Variants in POLR1D observed in about 807,000 individuals in gnomAD.
The protein encoded by POLR1D is RNA polymerase I and III subunit D, also known as DNA-directed RNA polymerases I and III subunit RPAC2.
POLR1D carries 8 observed loss-of-function variants against 10.8 expected under a neutral mutation model. The observed-to-expected ratio is 0.74, with a 90% CI of 0.43 to 1.33. The LOEUF (loss-of-function observed/expected upper bound fraction) is 1.33. POLR1D is among the 40% of genes most tolerant of loss of function. The pLI is 0.01. For synonymous variants in POLR1D, 54 were observed against 57.2 expected (o/e 0.94, Z 0.25); for missense variants, 152 against 161.7 (o/e 0.94, Z 0.32).
Position 27,663,031 on chromosome 13 carries a change from A to G in POLR1D, c.102-2655A>G, listed in dbSNP as rs953998189. Among the ~76,000 whole-genome samples, 2 of 152,260 alleles carry G rather than the reference A, an allele frequency of 1.3e-5. No individual in the cohort carries two copies. The highest frequency in any genetic ancestry group is 4.8e-5 in the African/African-American group (2 of 41,472). ...AATGAAACAACCAACTGTGAGATTC[A>G]GCAAAATTAATTTCTACCTTAAAGG... On this transcript the variant is annotated intron_variant, in intron 2 of 2. Transcript: ENST00000399697. The surrounding 1 kb of genome is among the most constrained non-coding windows in gnomAD (Gnocchi z 4.1).
Position 27,644,762 on chromosome 13 carries a change from T to C in POLR1D, c.27-3617T>C, listed in dbSNP as rs544626245. 8.0e-4 allele frequency among the ~76,000 whole-genome samples: 120 copies of C among 149,854 alleles called. No individual in the cohort carries two copies. In the South Asian group the frequency reaches 0.014, roughly 17 times the overall value. On this transcript the variant is annotated intron_variant, in intron 1 of 2. Coordinates refer to the POLR1D transcript ENST00000399697. Reference sequence around the variant, plus strand: ...AAGTTCTGTATATACTTAGTTCTTATATATTCTCCTATTTGCTTTTCCTGT... The same window carrying C: ...AAGTTCTGTATATACTTAGTTCTTACATATTCTCCTATTTGCTTTTCCTGT...
chr13:27,664,117 C>T (rs1049747855), intron 2 of POLR1D, among the ~76,000 whole-genome samples: 1 of 152,202 alleles, frequency 6.6e-6, no homozygotes, highest in African/African-American at 2.4e-5. Context: ...CTGTCAGACC[C>T]TGCAGGAGAA....
intron 2 of POLR1D, among the ~76,000 whole-genome samples, chr13:27,652,981 CCTCTGCCTCCCTGGTGCAAGCAATT>C (rs921468909): frequency 6.9e-5 from 9 of 130,294 alleles, no homozygotes; most frequent in African/African-American, 2.8e-4. Context: ...CTCACTGCAA[CCTCTGCCTCCCTGGTGCAAGCAATT>C]CTCTGCCTCA....
downstream of POLR1D, among the ~76,000 whole-genome samples, chr13:27,624,939 A>G (rs1388926450): frequency 1.3e-5 from 2 of 152,176 alleles, no homozygotes. Flanking sequence ...CAGCAAATGT[A>G]GGGTCAAGAT....
At chr13:27,662,841 T>C (rs1465969774) in intron 2 of POLR1D, among the ~76,000 whole-genome samples, 1 of 152,162 alleles carries the variant, frequency 6.6e-6, no homozygotes, top group Non-Finnish European at 1.5e-5. Flanking sequence ...ATGTTCTAAT[T>C]CATTTGATCT....
intron 1 of POLR1D, among the ~76,000 whole-genome samples, chr13:27,639,548 T>C (rs1956156778): frequency 6.6e-6 from 1 of 152,228 alleles, no homozygotes; most frequent in Non-Finnish European, 1.5e-5. Flanking sequence ...AAACAATCAC[T>C]GTATTTTCTG....
chr13:27,634,744 T>G (rs557171672), intron 1 of POLR1D, among the ~76,000 whole-genome samples: 4 of 151,486 alleles, frequency 2.6e-5, no homozygotes, highest in Non-Finnish European at 5.9e-5. Flanking sequence ...GGGGTGATCT[T>G]GACTCACTGC....
At chr13:27,624,217 A>C (rs920734321), downstream of POLR1D, among the ~76,000 whole-genome samples, 2 of 152,074 alleles carry the variant, frequency 1.3e-5, no homozygotes, top group African/African-American at 4.8e-5. Flanking sequence ...TAGTTTGGGT[A>C]CTTCTTTGTG....
At chr13:27,653,261 C>T (rs1956282434) in intron 2 of POLR1D, among the ~76,000 whole-genome samples, 1 of 152,088 alleles carries the variant, frequency 6.6e-6, no homozygotes, top group Admixed American at 6.5e-5. Flanking sequence ...CTACATCTAG[C>T]TGCAAGGACA....
intron 2 of POLR1D, among the ~76,000 whole-genome samples, chr13:27,657,269 C>G (rs1956316866): frequency 6.6e-6 from 1 of 152,164 alleles, no homozygotes; most frequent in South Asian, 2.1e-4. Context: ...GTGGCTCACA[C>G]CAGTAATCCT....
chr13:27,639,063 A>G (rs1321024158), intron 1 of POLR1D, among the ~76,000 whole-genome samples: 2 of 151,702 alleles, frequency 1.3e-5, no homozygotes, highest in African/African-American at 4.8e-5. Flanking sequence ...CATTTTTCCT[A>G]TCCTTTACTA....
intron 2 of POLR1D, among the ~76,000 whole-genome samples, chr13:27,660,005 G>T (rs1312663473): frequency 1.3e-5 from 2 of 151,532 alleles, no homozygotes; most frequent in African/African-American, 2.4e-5. Flanking sequence ...GTACAATGTT[G>T]GAGACAGTCA....
chr13:27,648,920 G>C (rs375393574), intron 2 of POLR1D, among the ~76,000 whole-genome samples: 2 of 152,266 alleles, frequency 1.3e-5, no homozygotes, highest in East Asian at 3.9e-4. Flanking sequence ...ACAAAATAGA[G>C]CTTGTTAAAA....
intron 2 of POLR1D, among the ~76,000 whole-genome samples, chr13:27,659,048 G>C (rs1447131568): frequency 1.3e-5 from 2 of 152,092 alleles, no homozygotes. Flanking sequence ...ATGCTTTTCT[G>C]TTTGGATTGA....
intron 1 of POLR1D, among the ~76,000 whole-genome samples, chr13:27,632,752 C>T (rs1375243499): frequency 1.3e-5 from 2 of 151,166 alleles, no homozygotes; most frequent in Non-Finnish European, 2.9e-5. Context: ...TTGCCTTTCC[C>T]TCTACCCCTC....
intron 1 of POLR1D, among the ~76,000 whole-genome samples, chr13:27,640,850 C>T (rs1322591674): frequency 6.6e-6 from 1 of 152,068 alleles, no homozygotes; most frequent in Non-Finnish European, 1.5e-5. Context: ...TATAAAATGG[C>T]ATAGTATTTG....
At chr13:27,625,983 A>G (rs1354268431), downstream of POLR1D, among the ~76,000 whole-genome samples, 1 of 152,222 alleles carries the variant, frequency 6.6e-6, no homozygotes, top group Non-Finnish European at 1.5e-5. Context: ...ACATGAAGAC[A>G]TTGGAAGAGG....
chr13:27,625,659 T>TAAA, downstream of POLR1D, among the ~76,000 whole-genome samples: 1 of 142,058 alleles, frequency 7.0e-6, no homozygotes, highest in South Asian at 2.2e-4. Context: ...ATAAATTGAT[T>TAAA]AAAAAAAAAA....
chr13:27,636,971 A>C (rs948433325), intron 1 of POLR1D, among the ~76,000 whole-genome samples: 1 of 152,204 alleles, frequency 6.6e-6, no homozygotes. Context: ...TATTTTTTAA[A>C]ACAATGCATA....
Sources: gnomAD v4.1 joint callset for allele counts (sites outside exome capture counted in the v4.1 genomes callset) on GRCh38, gnomAD v4.1.1 for gene constraint, Gnocchi (gnomAD v3.1) non-coding constraint, MANE v1.5 for transcripts, NCBI Gene and HGNC (gene_info 2026-07-23, HGNC 2026-07-21) for gene names.